Variants in COL15A1 observed in about 807,000 individuals in gnomAD.
The protein encoded by COL15A1 is collagen alpha-1(XV) chain.
A neutral mutation model predicts 165.9 loss-of-function variants in COL15A1; 111 were observed. That is an observed-to-expected ratio of 0.67 (90% CI 0.57 to 0.78). The LOEUF (loss-of-function observed/expected upper bound fraction) is 0.78, where lower values mean the gene tolerates loss of function less well. Ranked by LOEUF, COL15A1 falls within the 30% of genes least tolerant of loss-of-function variation. The probability of loss-of-function intolerance (pLI) is 0.00; values close to 1 mark genes in which losing one functional copy is unlikely to be tolerated. For missense variants in COL15A1, 1,745 were observed against 1,789.7 expected, an observed-to-expected ratio of 0.98 and a Z score of 0.45; for synonymous variants, 659 against 674.8, an observed-to-expected ratio of 0.98 and a Z score of 0.36.
chr9:98,991,845 C>A (rs1393442526), intron 5 of COL15A1, among the ~76,000 whole-genome samples: 2 of 149,742 alleles, frequency 1.3e-5, no homozygotes, highest in African/African-American at 4.9e-5. Context: ...TTGAGCTAGA[C>A]ACAAGAGTGC....
At chr9:98,945,477 T>A (rs1837564251) in intron 2 of COL15A1, among the ~76,000 whole-genome samples, 1 of 152,142 alleles carries the variant, frequency 6.6e-6, no homozygotes, top group Admixed American at 6.5e-5. Flanking sequence ...TTAGTACACA[T>A]CTTCAATTGA....
chr9:98,966,686 G>A (rs184151902), intron 2 of COL15A1, among the ~76,000 whole-genome samples: 8 of 152,326 alleles, frequency 5.3e-5, no homozygotes, highest in Non-Finnish European at 2.9e-5. Flanking sequence ...AAGGAGAGCC[G>A]AGGGCAGCCA....
intron 2 of COL15A1, among the ~76,000 whole-genome samples, chr9:98,976,572 G>A (rs1438451258): frequency 1.3e-5 from 2 of 152,200 alleles, no homozygotes; most frequent in Non-Finnish European, 1.5e-5. Flanking sequence ...TGGGCATGCA[G>A]TGAGGTCACT....
intron 2 of COL15A1, among the ~76,000 whole-genome samples, chr9:98,985,203 G>C (rs1229648436): frequency 6.6e-6 from 1 of 152,152 alleles, no homozygotes; most frequent in Non-Finnish European, 1.5e-5. Flanking sequence ...TGAACTATTA[G>C]TGGGTTATAA....
chr9:99,012,135 T>G (rs1242440513), intron 9 of COL15A1, among the ~76,000 whole-genome samples: 1 of 152,240 alleles, frequency 6.6e-6, no homozygotes, highest in Middle Eastern at 3.2e-3. Flanking sequence ...TGGCAATTCT[T>G]AAGACATTTC....
At chr9:99,061,462 A>G (rs532676135) in intron 36 of COL15A1, among the ~76,000 whole-genome samples, 2 of 152,344 alleles carry the variant, frequency 1.3e-5, no homozygotes, top group African/African-American at 4.8e-5. Context: ...TCATGCATTT[A>G]ATGTAACTAC....
At position 99,066,991 on chromosome 9, in the gene COL15A1, T is replaced by G; in HGVS notation, c.3761T>G (p.Leu1254Ter). The change falls in exon 40 of 42, where the codon TTA becomes TGA. Residue 1254 changes from leucine (L) to a stop codon, truncating the protein, a stop_gained. Coordinates refer to ENST00000375001, the MANE Select transcript of COL15A1 (RefSeq NM_001855.5). LOFTEE classifies it high-confidence loss of function. Reference sequence around the variant, plus strand: ...CTGTTGTCCACCTACCGAGCATTCTTATCTTCCCATTTGCAAGATCTGTCC... The same window carrying G: ...CTGTTGTCCACCTACCGAGCATTCTGATCTTCCCATTTGCAAGATCTGTCC... The part of the protein sequence containing the change: ...AGLLSTYRAF[L>*]SSHLQDLSTI... 1 of 1,614,186 alleles carries G rather than the reference T, an allele frequency of 6.2e-7. No homozygotes were observed. Among genetic ancestry groups the G allele is most frequent in the South Asian group, 1.1e-5 (1 of 91,086 alleles).
chr9:99,019,009 G>T (rs568740133), intron 11 of COL15A1, among the ~76,000 whole-genome samples: 125 of 152,288 alleles, frequency 8.2e-4, no homozygotes, highest in Non-Finnish European at 1.4e-3. Context: ...GAGAGAGTTA[G>T]AGATAGAATG....
At chr9:99,023,127 GC>G (rs1839055529) in intron 13 of COL15A1, among the ~76,000 whole-genome samples, 1 of 152,158 alleles carries the variant, frequency 6.6e-6, no homozygotes, top group African/African-American at 2.4e-5. Flanking sequence ...GAATTGAAAG[GC>G]AGGAAAGGAG....
At chr9:98,958,513 A>C (rs1407123234) in intron 2 of COL15A1, among the ~76,000 whole-genome samples, 2 of 152,236 alleles carry the variant, frequency 1.3e-5, no homozygotes, top group Non-Finnish European at 2.9e-5. Context: ...AAAGAAAAAA[A>C]GGAGGGGTGG....
intron 5 of COL15A1, 100 bp downstream of exon 5, chr9:98,989,358 C>A: frequency 1.1e-6 from 1 of 935,822 alleles, no homozygotes; most frequent in Non-Finnish European, 1.6e-6. Context: ...CTCTTTGTTT[C>A]CAGACCTGTG....
intron 9 of COL15A1, among the ~76,000 whole-genome samples, chr9:99,014,992 G>T (rs76794723): frequency 0.016 from 2,485 of 152,268 alleles, 161 homozygotes; most frequent in South Asian, 0.11. Flanking sequence ...TGTCTGCAAG[G>T]AATTTCCTTA....
chr9:98,962,660 G>A (rs1171043811), intron 2 of COL15A1, among the ~76,000 whole-genome samples: 5 of 152,226 alleles, frequency 3.3e-5, no homozygotes, highest in African/African-American at 7.2e-5. Flanking sequence ...ATGACAGAGT[G>A]CTTTAGCAGA....
At chr9:98,947,170 TAAAC>T (rs1250086829) in intron 2 of COL15A1, among the ~76,000 whole-genome samples, 1 of 152,036 alleles carries the variant, frequency 6.6e-6, no homozygotes, top group Non-Finnish European at 1.5e-5. Flanking sequence ...GGTGAATAGA[TAAAC>T]AAATGAGGTG....
intron 21 of COL15A1, among the ~76,000 whole-genome samples, chr9:99,036,846 T>C (rs1180092705): frequency 6.6e-6 from 1 of 152,140 alleles, no homozygotes; most frequent in East Asian, 1.9e-4. Flanking sequence ...GACTTGCCCA[T>C]GGGTTGCCAG....
At chr9:98,970,687 T>C (rs148451724) in intron 2 of COL15A1, among the ~76,000 whole-genome samples, 315 of 152,248 alleles carry the variant, frequency 2.1e-3, no homozygotes, top group African/African-American at 7.3e-3. Context: ...CTTGGGTGTA[T>C]GTATATGAGT....
chr9:98,996,096 C>T (rs1379631714), intron 5 of COL15A1, among the ~76,000 whole-genome samples: 1 of 152,200 alleles, frequency 6.6e-6, no homozygotes, highest in Non-Finnish European at 1.5e-5. Context: ...AGGAAATAAC[C>T]TTCTGTTATT....
At chr9:98,986,231 T>C in intron 3 of COL15A1, 119 bp downstream of exon 3, 1 of 830,116 alleles carries the variant, frequency 1.2e-6, no homozygotes, top group Non-Finnish European at 1.9e-6. Flanking sequence ...GAAGCATGCG[T>C]GTTATGATGG....
At chr9:99,010,096 T>A (rs1838827048) in intron 9 of COL15A1, among the ~76,000 whole-genome samples, 2 of 152,256 alleles carry the variant, frequency 1.3e-5, no homozygotes, top group Admixed American at 1.3e-4. Context: ...TTTGGCGCTA[T>A]GTCTCACGAA....
Sources: gnomAD v4.1 joint callset for allele counts (sites outside exome capture counted in the v4.1 genomes callset) on GRCh38, gnomAD v4.1.1 for gene constraint, MANE v1.5 for transcripts, NCBI Gene and HGNC (gene_info 2026-07-23, HGNC 2026-07-21) for gene names.